The following RFC1 variants were observed in gnomAD, a reference collection of about 807,000 sequenced individuals.
RFC1 encodes the protein A1 140 kDa subunit.
A neutral mutation model predicts 137.4 loss-of-function variants in RFC1; 37 were observed. That is an observed-to-expected ratio of 0.27 (90% CI 0.21 to 0.35). The LOEUF (loss-of-function observed/expected upper bound fraction) is 0.35. RFC1 is among the 10% of genes least tolerant of loss of function. The pLI, the probability that RFC1 is intolerant of heterozygous loss-of-function variation, is 1.00. For missense variants in RFC1, 1,205 were observed against 1,358.5 expected (o/e 0.89, Z 1.78); for synonymous variants, 429 against 455.7 (o/e 0.94, Z 0.75).
chr4:39,365,771 G>C (rs1186560351), intron 1 of RFC1, among the ~76,000 whole-genome samples: 1 of 152,056 alleles, frequency 6.6e-6, no homozygotes, highest in Non-Finnish European at 1.5e-5. Context: ...GAGCTGAGCT[G>C]TTAATGATAA....
rs557047307 is a variant in RFC1 at position 39,300,806 on chromosome 4, T to TG, written c.2536-393dup. Among the ~76,000 whole-genome samples the TG allele has an allele frequency of 1.1e-4, 17 of 152,040 alleles. No homozygotes were observed. In the South Asian group the frequency reaches 2.5e-3, roughly 22 times the overall value. On this transcript the variant is annotated intron_variant, in intron 19 of 24. Transcript: ENST00000349703. Reference sequence around the variant, plus strand: ...TGAGCTATCAAGCCATGAAAAGACATGGGGGGGCAGGGCATGGTGGCTCAC... The same window carrying TG: ...TGAGCTATCAAGCCATGAAAAGACATGGGGGGGGCAGGGCATGGTGGCTCAC...
Position 39,288,014 on chromosome 4 carries a change from T to G in RFC1, c.*747A>C, listed in dbSNP as rs1389264410. The stretch of plus-strand genomic sequence containing the variant: ...TGAAATCCTATTCACAGCAGAGACG[T>G]GGTCAACACACACAGAGGGAGTGAG... On this transcript the variant is annotated 3_prime_UTR_variant, in exon 25 of 25. Transcript: ENST00000349703. The G allele has an allele frequency of 6.6e-6, 1 of 152,222 alleles. No homozygotes were observed. The highest frequency in any genetic ancestry group is 2.4e-5 in the African/African-American group (1 of 41,442). The allele number at this position is 152,222 out of a possible 1,614,324, so 9.4% of individuals were successfully genotyped here.
chr4:39,295,608 AC>A lies in RFC1; in HGVS notation c.2954+5del. On this transcript the variant is annotated splice_donor_5th_base_variant and intron_variant, in intron 22 of 24. Transcript: ENST00000349703. ...AAAATACCCGAAACAGAGTAATCCC[AC>A]CTACCTGAGACTCATATGCAAGGCC... 1 of 1,594,662 alleles carries A rather than the reference AC, an allele frequency of 6.3e-7. No individual in the cohort carries two copies. The highest frequency in any genetic ancestry group is 8.6e-7 in the Non-Finnish European group (1 of 1,169,112).
At chr4:39,323,536 T>C (rs1016455701) in intron 6 of RFC1, 119 bp from the exon 7 acceptor site, 1 of 855,532 alleles carries the variant, frequency 1.2e-6, no homozygotes, top group East Asian at 2.7e-5. Context: ...AGAAAATAAT[T>C]ATGACATTTT....
chr4:39,351,446 T>C lies in RFC1; in HGVS notation c.34A>G (p.Ser12Gly), dbSNP rs1190401351. Residue 12 changes from serine to glycine, a missense_variant, in exon 2 of 25, where the codon AGT (serine) becomes GGT (glycine). Ser to Gly is a moderately conservative substitution (Grantham distance 56). Transcript: ENST00000349703. ...DIRKFFGVIPSGKKLVSETVK... is the reference protein window; with the variant it reads ...DIRKFFGVIPGGKKLVSETVK... The stretch of plus-strand genomic sequence containing the variant: ...GTTTCACTTACAAGTTTCTTTCCAC[T>C]TGGTATTACTCCAAAGAATTTCCGA... The C allele has an allele frequency of 1.3e-6, 2 of 1,574,036 alleles. No individual in the cohort carries two copies. The highest frequency in any genetic ancestry group is 2.7e-5 in the African/African-American group (2 of 73,014).
At chr4:39,341,263 A>C (rs1560615303) in intron 4 of RFC1, among the ~76,000 whole-genome samples, 1 of 152,194 alleles carries the variant, frequency 6.6e-6, no homozygotes. Context: ...TAATAAACCT[A>C]TCACTATACT....
Position 39,320,590 on chromosome 4 carries a change from A to G in RFC1, c.888T>C (p.Ser296=), listed in dbSNP as rs769245622. 6.2e-7 allele frequency: 1 copy of G among 1,613,336 alleles called. No individual in the cohort carries two copies. The highest frequency in any genetic ancestry group is 8.5e-7 in the Non-Finnish European group (1 of 1,179,842). ...CAGCTGATGACTTGGAATGTTGCTG[A>G]GATTCTTTTGAACTTTCATATTTAC... ...KQSKYESSKE[S]QQHSKSSADK... is the part of the protein sequence containing the mutation. The change falls in exon 9 of 25, where the codon TCT becomes TCC. Residue 296 remains serine, a synonymous_variant. Coordinates refer to ENST00000349703, the MANE Select transcript of RFC1 (RefSeq NM_002913.5).
rs1474566973 is a variant in RFC1 at position 39,291,575 on chromosome 4, A to G, written c.3168+64T>C. ...TCTTAAAGCATCTAAAACACCTCCG[A>G]AGTATTGTCAGTACAAACCTGGTAA... is the stretch of plus-strand genomic sequence containing the variant. On this transcript the variant is annotated intron_variant, in intron 23 of 24. Coordinates refer to ENST00000349703, the MANE Select transcript of RFC1 (RefSeq NM_002913.5). 1.6e-5 allele frequency: 19 copies of G among 1,154,306 alleles called. No individual in the cohort carries two copies. The Admixed American group carries it at 3.0e-4, about 18-fold the overall frequency. The allele number at this position is 1,154,306 out of a possible 1,614,324, so 71.5% of individuals were successfully genotyped here.
intron 15 of RFC1, among the ~76,000 whole-genome samples, chr4:39,304,238 A>G (rs534057232): frequency 3.3e-5 from 5 of 152,222 alleles, no homozygotes; most frequent in Non-Finnish European, 5.9e-5. Flanking sequence ...CTCTGGCCAT[A>G]GAGGACCACT....
intron 9 of RFC1, among the ~76,000 whole-genome samples, chr4:39,320,099 C>T (rs1444627227): frequency 6.6e-6 from 1 of 152,126 alleles, no homozygotes; most frequent in Non-Finnish European, 1.5e-5. Flanking sequence ...CCTGTAATCC[C>T]AGCACTTTGG....
chr4:39,327,727 C>T lies in RFC1; in HGVS notation c.361G>A (p.Ala121Thr). 2 of 1,608,512 alleles carry T rather than the reference C, an allele frequency of 1.2e-6. No homozygotes were observed. The highest frequency in any genetic ancestry group is 3.4e-4 in the Middle Eastern group (2 of 5,892). The change falls in exon 5 of 25, where the codon GCG becomes ACG. Residue 121 changes from alanine to threonine, a missense_variant. Physicochemically the swap from Ala to Thr is moderately conservative, Grantham distance 58. Transcript: ENST00000349703. Reference protein sequence around the residue: ...DEEDDFMCKKAASKSKENGRS... With the variant: ...DEEDDFMCKKTASKSKENGRS... Reference sequence around the variant, plus strand: ...CCATTCTCTTTTGATTTAGAGGCCGCCTTCTTACACATAAAGTCATCTTCT... The same window carrying T: ...CCATTCTCTTTTGATTTAGAGGCCGTCTTCTTACACATAAAGTCATCTTCT...
chr4:39,312,730 T>A, intron 11 of RFC1, 22 bp downstream of exon 11: 1 of 1,602,972 alleles, frequency 6.2e-7, no homozygotes, highest in Non-Finnish European at 8.5e-7. Context: ...TGTCATGGTG[T>A]TGAGAACAAA....
chr4:39,336,854 G>A (rs1740378034), intron 4 of RFC1, among the ~76,000 whole-genome samples: 3 of 152,220 alleles, frequency 2.0e-5, no homozygotes, highest in Admixed American at 6.5e-5. Flanking sequence ...TATCCAGGGT[G>A]CTGATGATGA....
intron 4 of RFC1, among the ~76,000 whole-genome samples, chr4:39,341,099 A>C (rs550831490): frequency 6.6e-6 from 1 of 152,356 alleles, no homozygotes; most frequent in East Asian, 1.9e-4. Flanking sequence ...AAAATCTGTG[A>C]TCAGAGCTTA....
At chr4:39,349,294 G>A (rs1158330358) in intron 2 of RFC1, among the ~76,000 whole-genome samples, 3 of 152,172 alleles carry the variant, frequency 2.0e-5, no homozygotes, top group East Asian at 1.9e-4. Flanking sequence ...AAATTCACAC[G>A]TTGAAGCCCT....
chr4:39,364,328 G>C (rs1741916346), intron 1 of RFC1, among the ~76,000 whole-genome samples: 1 of 150,922 alleles, frequency 6.6e-6, no homozygotes, highest in African/African-American at 2.4e-5. Context: ...AACATTTGTT[G>C]AATCAATTTT....
chr4:39,355,799 C>T (rs1005870254), intron 1 of RFC1: 3 of 151,858 alleles, frequency 2.0e-5, no homozygotes, highest in Non-Finnish European at 2.9e-5. Context: ...GTCAAGAGAT[C>T]GAGACCATCC....
chr4:39,336,456 C>A (rs1740358091), intron 4 of RFC1, among the ~76,000 whole-genome samples: 1 of 152,208 alleles, frequency 6.6e-6, no homozygotes, highest in Non-Finnish European at 1.5e-5. Flanking sequence ...AAGGCCTAAG[C>A]CTTCATTTAT....
In RFC1 at chr4:39,288,804, TC is replaced by T; in HGVS notation, c.3400del (p.Asp1134IlefsTer20). 1.9e-6 allele frequency: 3 copies of T among 1,613,050 alleles called. No homozygotes were observed. The highest frequency in any genetic ancestry group is 8.5e-7 in the Non-Finnish European group (1 of 1,179,490). On this transcript the variant is annotated frameshift_variant, in exon 25 of 25. Coordinates refer to ENST00000349703, the MANE Select transcript of RFC1 (RefSeq NM_002913.5). LOFTEE classifies it high-confidence loss of function. ...TCCTTTTCCTTTTCTGGGCTCCTTA[TC>T]TTTTTCTGGTTTTGAAGGCTTTGAA... is the stretch of plus-strand genomic sequence containing the variant. ...KSSKPSKPEK[D>X]KEPRKGKGKS...
Sources: gnomAD v4.1 joint callset for allele counts (sites outside exome capture counted in the v4.1 genomes callset) on GRCh38, gnomAD v4.1.1 for gene constraint, MANE v1.5 for transcripts, NCBI Gene and HGNC (gene_info 2026-07-23, HGNC 2026-07-21) for gene names.